Variants in ACOXL observed in about 807,000 individuals in gnomAD.
The protein encoded by ACOXL is acyl-coenzyme A oxidase-like protein.
In ACOXL, 70 loss-of-function variants were observed where a neutral mutation model predicts 71.9. The ratio of observed to expected loss-of-function variants is 0.97; its 90% CI spans 0.80 to 1.19. The LOEUF is 1.19. Ranked by LOEUF, ACOXL falls within the 50% of genes most tolerant of loss-of-function variation. The probability of loss-of-function intolerance (pLI) is 0.00; values close to 1 mark genes in which losing one functional copy is unlikely to be tolerated. For missense variants in ACOXL, 703 were observed against 736.3 expected, an observed-to-expected ratio of 0.95 and a Z score of 0.52; for synonymous variants, 253 against 281.6, an observed-to-expected ratio of 0.90 and a Z score of 1.02.
intron 2 of ACOXL, among the ~76,000 whole-genome samples, chr2:110,776,720 T>C (rs1198989631): frequency 6.6e-6 from 1 of 151,924 alleles, no homozygotes; most frequent in Admixed American, 6.6e-5. Context: ...CCCTGGAGTA[T>C]GAAGGGCCTT....
chr2:110,966,292 T>G (rs1395372978), intron 12 of ACOXL, among the ~76,000 whole-genome samples: 2 of 152,164 alleles, frequency 1.3e-5, no homozygotes, highest in Non-Finnish European at 2.9e-5. Flanking sequence ...ACCAATGAAG[T>G]GGCTTAAGGT....
At chr2:111,105,710 A>G (rs1177334294) in intron 17 of ACOXL, among the ~76,000 whole-genome samples, 3 of 152,116 alleles carry the variant, frequency 2.0e-5, no homozygotes, top group Non-Finnish European at 2.9e-5. Context: ...CTTTTATCCT[A>G]CGATCTTGCT....
chr2:110,991,809 G>A (rs904633652), intron 13 of ACOXL, among the ~76,000 whole-genome samples: 1 of 152,024 alleles, frequency 6.6e-6, no homozygotes, highest in African/African-American at 2.4e-5. Context: ...TAGTTTAAAT[G>A]TCTCCATTTG....
intron 14 of ACOXL, 76 bp downstream of exon 14, chr2:110,996,080 A>T (rs2063384562): frequency 8.1e-7 from 1 of 1,238,776 alleles, no homozygotes; most frequent in South Asian, 1.2e-5. Context: ...CTATCTGTTA[A>T]GTTTAGTAGA....
intron 11 of ACOXL, among the ~76,000 whole-genome samples, chr2:110,922,463 G>A (rs1244005465): frequency 1.3e-5 from 2 of 151,994 alleles, no homozygotes; most frequent in African/African-American, 4.8e-5. Flanking sequence ...GTATACATTT[G>A]CTTCTCAGTC....
chr2:111,059,762 A>C (rs1193552608), intron 16 of ACOXL, among the ~76,000 whole-genome samples: 1 of 142,620 alleles, frequency 7.0e-6, no homozygotes, highest in Non-Finnish European at 1.5e-5. Context: ...GCTAACGCAC[A>C]CAAAGGAAAA....
At chr2:111,056,347 GC>G (rs2066537034) in intron 16 of ACOXL, among the ~76,000 whole-genome samples, 1 of 152,060 alleles carries the variant, frequency 6.6e-6, no homozygotes, top group Non-Finnish European at 1.5e-5. Flanking sequence ...GAGGTCCCCT[GC>G]AAGTGCCAAG....
At chr2:110,779,409 GAGGA>G (rs1168723108) in intron 2 of ACOXL, among the ~76,000 whole-genome samples, 2 of 152,184 alleles carry the variant, frequency 1.3e-5, no homozygotes, top group Non-Finnish European at 2.9e-5. Context: ...AGAGAGGAGG[GAGGA>G]AGGAACACAA....
chr2:110,982,464 T>C (rs1254489318), intron 12 of ACOXL, among the ~76,000 whole-genome samples: 1 of 151,454 alleles, frequency 6.6e-6, no homozygotes, highest in Non-Finnish European at 1.5e-5. Context: ...CATCTCTGCC[T>C]ATTTCTTCTA....
At chr2:110,987,259 T>C (rs771149069) in intron 13 of ACOXL, 42 bp downstream of exon 13, 15 of 1,519,936 alleles carry the variant, frequency 9.9e-6, no homozygotes, top group Non-Finnish European at 1.3e-5. Context: ...TTCAGTGGGT[T>C]ATCATGAAGC....
chr2:110,968,634 C>A, intron 12 of ACOXL: 1 of 923,816 alleles, frequency 1.1e-6, no homozygotes, highest in Non-Finnish European at 1.6e-6. Flanking sequence ...TGGAACTGTC[C>A]CAAAATGTCC....
intron 14 of ACOXL, among the ~76,000 whole-genome samples, chr2:111,030,621 G>A (rs150084226): frequency 1.4e-3 from 209 of 152,298 alleles, no homozygotes; most frequent in Non-Finnish European, 2.0e-3. Flanking sequence ...CAGAGCTGCA[G>A]GGAAGCAAGT....
chr2:111,007,732 T>G (rs1029607495), intron 14 of ACOXL, among the ~76,000 whole-genome samples: 2 of 152,220 alleles, frequency 1.3e-5, no homozygotes, highest in Admixed American at 6.5e-5. Flanking sequence ...GTGTGCTCAT[T>G]GCTACTGAGT....
At chr2:110,882,327 T>A (rs1222218531) in intron 10 of ACOXL, among the ~76,000 whole-genome samples, 3 of 152,232 alleles carry the variant, frequency 2.0e-5, no homozygotes, top group Non-Finnish European at 2.9e-5. Context: ...TTGTTTCATA[T>A]TGGTGAGTTT....
chr2:111,079,016 C>T (rs988340002), intron 16 of ACOXL, among the ~76,000 whole-genome samples: 21 of 152,280 alleles, frequency 1.4e-4, no homozygotes, highest in African/African-American at 5.1e-4. Context: ...CATCTGAATT[C>T]TCATCTGTTT....
rs577927801 is a variant in ACOXL, at chr2:110,782,168, A to G, written c.76-2564A>G. Among the ~76,000 whole-genome samples the G allele has an allele frequency of 8.5e-5, 13 of 152,340 alleles. No individual in the cohort carries two copies. In the South Asian group the frequency reaches 2.7e-3, roughly 32 times the overall value. ...TTTGGTTTGAATATATTAAGTGTAA[A>G]TGAAGGCAGCTATTGATACAGTAGA... On this transcript the variant is annotated intron_variant, in intron 2 of 17. Transcript: ENST00000439055.
chr2:110,968,541 G>A (rs2062034001), intron 12 of ACOXL: 26 of 1,123,574 alleles, frequency 2.3e-5, no homozygotes, highest in South Asian at 1.8e-4. Context: ...CAGACATGAC[G>A]GAGGAGATGT....
intron 13 of ACOXL, among the ~76,000 whole-genome samples, chr2:110,990,687 C>A (rs2063136847): frequency 6.6e-6 from 1 of 152,132 alleles, no homozygotes; most frequent in Non-Finnish European, 1.5e-5. Flanking sequence ...GAAGCTTATA[C>A]ATTTTAAATG....
intron 12 of ACOXL, among the ~76,000 whole-genome samples, chr2:110,940,706 C>T (rs1413215038): frequency 6.6e-6 from 1 of 152,152 alleles, no homozygotes; most frequent in Non-Finnish European, 1.5e-5. Flanking sequence ...ATTGATGTTT[C>T]CATAACACTT....
Sources: allele counts gnomAD v4.1 joint callset (sites outside exome capture counted in the v4.1 genomes callset), GRCh38; gene constraint gnomAD v4.1.1; transcripts MANE v1.5; gene names NCBI Gene and HGNC (gene_info 2026-07-23, HGNC 2026-07-21).